Variants in PCYT1B observed in about 807,000 individuals in gnomAD.
PCYT1B encodes phosphate cytidylyltransferase 1B, choline.
In PCYT1B, 10 loss-of-function variants were observed where a neutral mutation model predicts 26.4. That is an observed-to-expected ratio of 0.38 (90% CI 0.23 to 0.64). PCYT1B has a LOEUF of 0.64. PCYT1B is among the 30% of genes least tolerant of loss of function. The pLI, the probability that PCYT1B is intolerant of heterozygous loss-of-function variation, is 0.56. For synonymous variants in PCYT1B, 131 were observed against 108.4 expected (o/e 1.21, Z -1.29); for missense variants, 161 against 292.7 (o/e 0.55, Z 3.28).
upstream of PCYT1B, among the ~76,000 whole-genome samples, chrX:24,650,743 T>C (rs770078467): frequency 2.0e-4 from 23 of 112,496 alleles, no homozygotes; most frequent in Non-Finnish European, 2.4e-4. Context: ...AGAATATTCA[T>C]ACCCTTTGAC....
At chrX:24,667,315 G>T (rs1418614496) in intron 1 of PCYT1B, among the ~76,000 whole-genome samples, 1 of 110,976 alleles carries the variant, frequency 9.0e-6, no homozygotes, top group African/African-American at 3.3e-5. Context: ...ACTGTGTTGG[G>T]TTAGCTTGAA....
At chrX:24,570,004 C>T (rs1355017947) in intron 7 of PCYT1B, among the ~76,000 whole-genome samples, 2 of 109,323 alleles carry the variant, frequency 1.8e-5, no homozygotes, top group East Asian at 5.8e-4. Context: ...GCCAACATGG[C>T]AAAACCCCAC....
At chrX:24,645,021 G>C (rs976945558) in intron 1 of PCYT1B, among the ~76,000 whole-genome samples, 1 of 110,996 alleles carries the variant, frequency 9.0e-6, no homozygotes, top group African/African-American at 3.3e-5. Flanking sequence ...CCAAGATCAG[G>C]CCACTGCACT....
At chrX:24,568,939 A>C (rs1242559673) in intron 7 of PCYT1B, among the ~76,000 whole-genome samples, 1 of 110,165 alleles carries the variant, frequency 9.1e-6, no homozygotes, top group African/African-American at 3.3e-5. Flanking sequence ...ATCTCTACTA[A>C]AAATACAAAA....
chrX:24,635,702 A>G (rs927306412), intron 1 of PCYT1B, among the ~76,000 whole-genome samples: 5 of 111,697 alleles, frequency 4.5e-5, no homozygotes, highest in African/African-American at 6.5e-5. Flanking sequence ...CTCTTTGTCT[A>G]TTGGATCTCT....
chrX:24,605,647 G>A (rs1366404126), intron 3 of PCYT1B, among the ~76,000 whole-genome samples: 2 of 111,987 alleles, frequency 1.8e-5, no homozygotes, highest in Non-Finnish European at 3.8e-5. Flanking sequence ...TGAAGGGGCC[G>A]GGAGCGGTGG....
At chrX:24,592,828 T>A (rs1319556168) in intron 3 of PCYT1B, among the ~76,000 whole-genome samples, 1 of 111,931 alleles carries the variant, frequency 8.9e-6, no homozygotes, top group Non-Finnish European at 1.9e-5. Context: ...CTTGCACTAT[T>A]CTCCAAACCT....
At chrX:24,600,223 A>T (rs1355314665) in intron 3 of PCYT1B, among the ~76,000 whole-genome samples, 1 of 111,074 alleles carries the variant, frequency 9.0e-6, no homozygotes, top group Non-Finnish European at 1.9e-5. Flanking sequence ...TTTGTTTTAA[A>T]ATGTCAATAT....
chrX:24,648,448 A>ATTT (rs1189695885), upstream of PCYT1B, among the ~76,000 whole-genome samples: 3 of 34,557 alleles, frequency 8.7e-5, no homozygotes, highest in Admixed American at 3.8e-4. Context: ...GATTTGAAGG[A>ATTT]ATTTTTTTTT....
Sources: gnomAD v4.1 joint callset for allele counts (sites outside exome capture counted in the v4.1 genomes callset) on GRCh38, gnomAD v4.1.1 for gene constraint, MANE v1.5 for transcripts, NCBI Gene and HGNC (gene_info 2026-07-23, HGNC 2026-07-21) for gene names.